Variants in TMEM80 observed in about 807,000 individuals in gnomAD.
TMEM80 encodes the protein transmembrane protein 80.
A neutral mutation model predicts 13.6 loss-of-function variants in TMEM80; 16 were observed. That is an observed-to-expected ratio of 1.17 (90% CI 0.79 to 1.78). The LOEUF is 1.78. Ranked by LOEUF, TMEM80 falls within the 40% of genes most tolerant of loss-of-function variation. The pLI is 0.00. For missense variants in TMEM80, 167 were observed against 184.6 expected (o/e 0.90, Z 0.55); for synonymous variants, 92 against 89.5 (o/e 1.03, Z -0.16).
In TMEM80 at chr11:703,302, G is replaced by C. The variant is rs1861584137; in HGVS notation, c.*152G>C. 7.0e-7 allele frequency: 1 copy of C among 1,426,462 alleles called. No individual in the cohort carries two copies. Among genetic ancestry groups the C allele is most frequent in the East Asian group, 2.6e-5 (1 of 38,986 alleles). 88.4% of individuals were successfully genotyped at this position (1,426,462 alleles called of 1,614,324 possible). A position where few individuals can be genotyped will look rare whatever the true frequency, so the allele number is the denominator to read the frequency against. ...GATGGTTCCATCTGTTCTGGCAGGA[G>C]TGGGAGCAGGAGCCAGGGCAGAACA... On this transcript the variant is annotated 3_prime_UTR_variant, in exon 5 of 5. Coordinates refer to ENST00000397510, the MANE Select transcript of TMEM80 (RefSeq NM_001042463.3).
At chr11:699,931 G>A in intron 2 of TMEM80, 3 of 554,656 alleles carry the variant, frequency 5.4e-6, no homozygotes, top group Non-Finnish European at 6.5e-6. Flanking sequence ...ATGGAGGGGG[G>A]TCCCACAAAG....
At position 700,594 on chromosome 11, in the gene TMEM80, G is replaced by T. The variant is rs201434519; in HGVS notation, c.134-21G>T. 1.1e-5 allele frequency: 17 copies of T among 1,603,500 alleles called. No individual in the cohort carries two copies. In the South Asian group the frequency reaches 1.9e-4, roughly 18 times the overall value. ...TGCTGTGCCAGGTTACTTATGTTCCGTCCGCGCCTCTGCTCTTCAGGTCAG... is the reference window on the plus strand; with the variant it reads ...TGCTGTGCCAGGTTACTTATGTTCCTTCCGCGCCTCTGCTCTTCAGGTCAG... On this transcript the variant is annotated intron_variant, in intron 3 of 4. Transcript: ENST00000397510.
chr11:696,800 C>T (rs1861198403), intron 1 of TMEM80, among the ~76,000 whole-genome samples: 1 of 4,464 alleles, frequency 2.2e-4, no homozygotes, highest in Admixed American at 3.3e-3. Flanking sequence ...CCGGGGAAGG[C>T]CAGGCGCAGT....
chr11:695,740 A>T, upstream of TMEM80: 1 of 1,240,120 alleles, frequency 8.1e-7, no homozygotes, highest in Non-Finnish European at 1.0e-6. Flanking sequence ...CCCCTTCGTC[A>T]GGAGACGCGA....
At chr11:702,882 G>A in intron 4 of TMEM80, 63 bp from the exon 5 acceptor site, 1 of 1,500,526 alleles carries the variant, frequency 6.7e-7, no homozygotes, top group Non-Finnish European at 9.1e-7. Context: ...CCAGGCACCT[G>A]TGGGCGGTGG....
In TMEM80 at chr11:700,263, A is replaced by G. The variant is rs369908959; in HGVS notation, c.133+28A>G. 103 of 1,594,910 alleles carry G rather than the reference A, an allele frequency of 6.5e-5. No individual in the cohort carries two copies. The African/African-American group carries it at 1.3e-3, about 20-fold the overall frequency. On this transcript the variant is annotated intron_variant, in intron 3 of 4. Transcript: ENST00000397510. ...AAGTCAGGGACGGGCACAGTGGCTCACGCCTGTAATCCCAACATTTTGGGA... is the reference window on the plus strand; with the variant it reads ...AAGTCAGGGACGGGCACAGTGGCTCGCGCCTGTAATCCCAACATTTTGGGA...
chr11:699,867 C>T, intron 2 of TMEM80: 1 of 434,454 alleles, frequency 2.3e-6, no homozygotes, highest in East Asian at 4.1e-5. Context: ...CTGACCAGTC[C>T]TGTCCACAGT....
At chr11:704,523 A>C, downstream of TMEM80, 1 of 1,289,446 alleles carries the variant, frequency 7.8e-7, no homozygotes, top group Non-Finnish European at 1.0e-6. Flanking sequence ...CTCCCTCACC[A>C]GCGCCTGCAC....
Position 704,043 on chromosome 11 carries a change from C to CA in TMEM80, c.*893_*894insA. ...TTCACTTGATTCTATTGTGTGTTTT[C>CA]TATGTTTGGAATAATTACACCCAAA... On this transcript the variant is annotated 3_prime_UTR_variant, in exon 5 of 5. Transcript: ENST00000397510. 3.4e-6 allele frequency: 4 copies of CA among 1,174,302 alleles called. No individual in the cohort carries two copies. Among genetic ancestry groups the CA allele is most frequent in the Non-Finnish European group, 4.2e-6 (4 of 949,570 alleles). 72.7% of individuals were successfully genotyped at this position (1,174,302 alleles called of 1,614,324 possible).
chr11:700,308 C>T, intron 3 of TMEM80, 73 bp downstream of exon 3: 1 of 1,374,446 alleles, frequency 7.3e-7, no homozygotes, highest in African/African-American at 1.4e-5. Flanking sequence ...GGGCGGATCA[C>T]TTGAGGTCAG....
rs547402747 is a variant in TMEM80 at position 700,639 on chromosome 11, G to T, written c.158G>T (p.Arg53Leu). ...YKSQVFSYPHRYLVLDLALLF... is the reference protein window; with the variant it reads ...YKSQVFSYPHLYLVLDLALLF... ...GGTCAGGTGTTCAGCTATCCTCACC[G>T]CTACCTGGTCCTCGATCTTGCTCTG... is the stretch of plus-strand genomic sequence containing the variant. The change falls in exon 4 of 5, where the codon CGC becomes CTC. Residue 53 changes from arginine to leucine, a missense_variant. Coordinates refer to ENST00000397510, the MANE Select transcript of TMEM80 (RefSeq NM_001042463.3). 22 of 1,614,020 alleles carry T rather than the reference G, an allele frequency of 1.4e-5. No homozygotes were observed. The highest frequency in any genetic ancestry group is 1.9e-5 in the Non-Finnish European group (22 of 1,180,012).
chr11:700,203 T>G lies in TMEM80; in HGVS notation c.101T>G (p.Phe34Cys), dbSNP rs1861380615. The change falls in exon 3 of 5, where the codon TTC (phenylalanine) becomes TGC (cysteine). Residue 34 changes from phenylalanine to cysteine, a missense_variant. Phe to Cys is a radical substitution (Grantham distance 205). Transcript: ENST00000397510. ...YLSGTYYALY[F>C]LATLLMITYK... ...AGCGGAACGTACTACGCCCTGTATT[T>G]CCTCGCCACGCTCCTGATGATCACG... 1.9e-6 allele frequency: 3 copies of G among 1,614,106 alleles called. No individual in the cohort carries two copies. The highest frequency in any genetic ancestry group is 3.3e-5 in the Admixed American group (2 of 60,014).
In TMEM80 at chr11:703,071, C is replaced by G. The variant is rs1861571542; in HGVS notation, c.353C>G (p.Ala118Gly). The G allele has an allele frequency of 6.2e-7, 1 of 1,612,650 alleles. No individual in the cohort carries two copies. Among genetic ancestry groups the G allele is most frequent in the Non-Finnish European group, 8.5e-7 (1 of 1,179,714 alleles). The change falls in exon 5 of 5, where the codon GCC (alanine) becomes GGC (glycine). Residue 118 changes from alanine to glycine, a missense_variant. By Grantham distance (60) the Ala-to-Gly change is moderately conservative. Coordinates refer to ENST00000397510, the MANE Select transcript of TMEM80 (RefSeq NM_001042463.3). ...GCCCTAGTGTTGTGGGCGGACTGGGCCCTCAGCGCCACGCTCCTGGCCCTT... is the reference window on the plus strand; with the variant it reads ...GCCCTAGTGTTGTGGGCGGACTGGGGCCTCAGCGCCACGCTCCTGGCCCTT... ...WQALVLWADWALSATLLALHG... is the reference protein window; with the variant it reads ...WQALVLWADWGLSATLLALHG...
At chr11:700,756 C>G in intron 4 of TMEM80, 49 bp downstream of exon 4, 1 of 1,487,542 alleles carries the variant, frequency 6.7e-7, no homozygotes, top group Non-Finnish European at 9.4e-7. Flanking sequence ...GAGTTGCTAT[C>G]TGTTTCCACA....
chr11:701,628 TTC>T (rs1861492950), intron 4 of TMEM80, among the ~76,000 whole-genome samples: 1 of 151,638 alleles, frequency 6.6e-6, no homozygotes, highest in African/African-American at 2.4e-5. Flanking sequence ...CCAGGATGGT[TTC>T]CATCTCCTGA....
At chr11:704,671 G>A (rs946140631), downstream of TMEM80, 1 of 1,286,040 alleles carries the variant, frequency 7.8e-7, no homozygotes, top group Non-Finnish European at 1.0e-6. Context: ...TCCAGTCTCA[G>A]CGAGCACACA....
chr11:704,684 G>A (rs904518973), downstream of TMEM80: 1 of 1,278,226 alleles, frequency 7.8e-7, no homozygotes, highest in African/African-American at 1.5e-5. Context: ...AGCACACAAA[G>A]GCAGTGGTCA....
rs1481228283 is a variant in TMEM80, at chr11:698,894, C to G, written c.39+6C>G. On this transcript the variant is annotated splice_donor_region_variant and intron_variant, in intron 2 of 4. Transcript: ENST00000397510. ...GGAGAGGATCCTCCACAGTGGTATC[C>G]TGCTGCGTGCCCCTCCAGGACAGCA... 14 of 1,613,996 alleles carry G rather than the reference C, an allele frequency of 8.7e-6. No homozygotes were observed. Among genetic ancestry groups the G allele is most frequent in the Non-Finnish European group, 1.2e-5 (14 of 1,180,042 alleles).
At chr11:697,398 A>G (rs1316356573) in intron 1 of TMEM80, 1 of 152,274 alleles carries the variant, frequency 6.6e-6, no homozygotes, top group Non-Finnish European at 1.5e-5. Context: ...ATAGTAAGTC[A>G]CTGACAAAAA....
Sources: allele counts gnomAD v4.1 joint callset (sites outside exome capture counted in the v4.1 genomes callset), GRCh38; gene constraint gnomAD v4.1.1; transcripts MANE v1.5; gene names NCBI Gene and HGNC (gene_info 2026-07-23, HGNC 2026-07-21).